WDR37: variants seen among roughly 807,000 people sequenced by gnomAD.
The protein encoded by WDR37 is WD repeat-containing protein 37.
WDR37 carries 19 observed loss-of-function variants against 62.9 expected under a neutral mutation model. That is an observed-to-expected ratio of 0.30 (90% CI 0.21 to 0.44). The LOEUF is 0.44. Ranked by LOEUF, WDR37 falls within the 20% of genes least tolerant of loss-of-function variation. The pLI, the probability that WDR37 is intolerant of heterozygous loss-of-function variation, is 1.00. For missense variants in WDR37, 474 were observed against 657.6 expected (o/e 0.72, Z 3.05); for synonymous variants, 250 against 260.9 (o/e 0.96, Z 0.40).
intron 11 of WDR37, among the ~76,000 whole-genome samples, chr10:1,112,004 C>T (rs1187840674): frequency 4.6e-5 from 7 of 151,924 alleles, no homozygotes; most frequent in South Asian, 4.2e-4. Flanking sequence ...TGGGTTCAAG[C>T]GATTCCCCTG....
Position 1,103,756 on chromosome 10 carries a change from A to G in WDR37, c.881A>G (p.Lys294Arg). Residue 294 changes from lysine (K) to arginine (R), a missense_variant, in exon 10 of 14, where the codon AAG becomes AGG. Transcript: ENST00000263150. The surrounding 1 kb of genome is among the most constrained non-coding windows in gnomAD (Gnocchi z 6.3). ...GCCTCCGACTGGCTGGTTGGGGGGA[A>G]GCAGGCTGTGACTGCCTCCTGGGAC... Reference protein sequence around the residue: ...VIASDWLVGGKQAVTASWDRT... With the variant: ...VIASDWLVGGRQAVTASWDRT... The G allele has an allele frequency of 6.2e-7, 1 of 1,614,248 alleles. No homozygotes were observed. The highest frequency in any genetic ancestry group is 8.5e-7 in the Non-Finnish European group (1 of 1,180,040).
Position 1,062,266 on chromosome 10 carries a change from C to T in WDR37, c.-41+5298C>T, listed in dbSNP as rs73578510. Among the ~76,000 whole-genome samples, 1,083 of 152,122 alleles carry T rather than the reference C, an allele frequency of 7.1e-3. 9 individuals are homozygous for T. The highest frequency in any genetic ancestry group is 0.024 in the African/African-American group (991 of 41,480). On this transcript the variant is annotated intron_variant, in intron 1 of 13. Coordinates refer to ENST00000263150, the MANE Select transcript of WDR37 (RefSeq NM_014023.4). ...CGGTATTGACTATTTTGTGAAGTGG[C>T]GAAGAAAGCAAGCTAAACCAAAGAG...
intron 2 of WDR37, among the ~76,000 whole-genome samples, chr10:1,074,047 G>T (rs1266126095): frequency 6.6e-6 from 1 of 152,222 alleles, no homozygotes; most frequent in Non-Finnish European, 1.5e-5. Context: ...CAGTCACGTG[G>T]CTGCTGAGCA....
intron 3 of WDR37, among the ~76,000 whole-genome samples, chr10:1,079,066 A>G (rs1328270927): frequency 6.7e-6 from 1 of 149,036 alleles, no homozygotes; most frequent in Non-Finnish European, 1.5e-5. Flanking sequence ...CAATTCATAG[A>G]GGGAAAAATC....
At chr10:1,122,534 C>T (rs1247940032) in intron 11 of WDR37, among the ~76,000 whole-genome samples, 1 of 152,218 alleles carries the variant, frequency 6.6e-6, no homozygotes, top group Non-Finnish European at 1.5e-5. Context: ...GGGACCCACC[C>T]CAGCCCTGAG....
chr10:1,080,513 G>A (rs1203630931), intron 5 of WDR37, 37 bp downstream of exon 5: 4 of 1,608,366 alleles, frequency 2.5e-6, no homozygotes, highest in Admixed American at 3.3e-5. Context: ...ATCATGTGGT[G>A]GTTAAGGTGT....
At chr10:1,129,024 CGGTGGTCCATGATCTGTGGTCCATGCTT>C (rs1835894743) in intron 13 of WDR37, among the ~76,000 whole-genome samples, 161 bp from the exon 14 acceptor site, 4 of 146,222 alleles carry the variant, frequency 2.7e-5, no homozygotes, top group African/African-American at 1.1e-4. Flanking sequence ...GGCCCATGCA[CGGTGGTCCATGATCTGTGGTCCATGCTT>C]GGTGGTCCGT....
chr10:1,125,958 C>T (rs565988721), intron 13 of WDR37, among the ~76,000 whole-genome samples: 3 of 152,350 alleles, frequency 2.0e-5, no homozygotes, highest in African/African-American at 7.2e-5. Flanking sequence ...GGCACCCGCA[C>T]AGATGCAGAG....
chr10:1,124,054 C>T, intron 11 of WDR37, 164 bp from the exon 12 acceptor site: 2 of 790,948 alleles, frequency 2.5e-6, no homozygotes, highest in South Asian at 1.8e-5. Flanking sequence ...TTTTCTTGCA[C>T]TGGTGGAGAG....
intron 13 of WDR37, among the ~76,000 whole-genome samples, chr10:1,128,485 A>ATTTT (rs1835868418): frequency 6.6e-6 from 1 of 152,260 alleles, no homozygotes; most frequent in Non-Finnish European, 1.5e-5. Context: ...TCTACCTAAA[A>ATTTT]GGCCATTTAT....
chr10:1,082,591 A>C (rs1170127243), intron 5 of WDR37, among the ~76,000 whole-genome samples: 1 of 152,190 alleles, frequency 6.6e-6, no homozygotes, highest in Non-Finnish European at 1.5e-5. Context: ...CTTTTCTGTT[A>C]TGAACGTTCC....
At position 1,130,850 on chromosome 10, in the gene WDR37, G is replaced by A. The variant is rs1785798706; in HGVS notation, c.*1506G>A. 6.6e-6 allele frequency: 1 copy of A among 150,516 alleles called. No homozygotes were observed. The highest frequency in any genetic ancestry group is 6.6e-5 in the Admixed American group (1 of 15,144). 9.3% of individuals were successfully genotyped at this position (150,516 alleles called of 1,614,324 possible). On this transcript the variant is annotated 3_prime_UTR_variant, in exon 14 of 14. Coordinates refer to ENST00000263150, the MANE Select transcript of WDR37 (RefSeq NM_014023.4). ...GGATGAGAGGCACCTCCCTACTTGG[G>A]TCTTCAGGAGCTGGTCCAAGGAGCT...
chr10:1,091,246 CATAAT>C (rs781281492), intron 7 of WDR37, among the ~76,000 whole-genome samples: 3 of 152,148 alleles, frequency 2.0e-5, no homozygotes, highest in Non-Finnish European at 2.9e-5. Context: ...TTGGGATAGA[CATAAT>C]AAAGTGAAAA....
intron 11 of WDR37, 180 bp from the exon 12 acceptor site, chr10:1,124,038 T>G (rs1206555233): frequency 5.9e-6 from 4 of 677,512 alleles, no homozygotes; most frequent in Non-Finnish European, 9.8e-6. Context: ...AAGAAATCAG[T>G]TGTCCTTTTC....
chr10:1,070,541 C>T (rs986500824), intron 1 of WDR37, among the ~76,000 whole-genome samples: 2 of 152,000 alleles, frequency 1.3e-5, no homozygotes, highest in East Asian at 1.9e-4. Flanking sequence ...ATGTTGATTT[C>T]TACTGTTTTA....
chr10:1,086,209 A>T, intron 6 of WDR37, 77 bp from the exon 7 acceptor site: 1 of 1,201,224 alleles, frequency 8.3e-7, no homozygotes, highest in Non-Finnish European at 1.2e-6. Flanking sequence ...TTTTTAGAGT[A>T]TTTGTCTTAT....
chr10:1,103,579 T>C lies in WDR37; in HGVS notation c.727-23T>C, dbSNP rs1291452040. The C allele has an allele frequency of 1.2e-6, 2 of 1,608,930 alleles. No homozygotes were observed. The highest frequency in any genetic ancestry group is 1.7e-5 in the Admixed American group (1 of 59,986). ...AGATTTCCAGGAAATGTCTTTCTTT[T>C]CTGGCCTTCCCTTTGGCAGCAGATA... is the stretch of plus-strand genomic sequence containing the variant. On this transcript the variant is annotated intron_variant, in intron 9 of 13. Transcript: ENST00000263150. The surrounding 1 kb of genome is among the most constrained non-coding windows in gnomAD (Gnocchi z 6.3).
chr10:1,074,812 A>G (rs1833821017), intron 2 of WDR37, among the ~76,000 whole-genome samples: 1 of 152,268 alleles, frequency 6.6e-6, no homozygotes, highest in Non-Finnish European at 1.5e-5. Flanking sequence ...AACTTTATAC[A>G]TCTCAGATTT....
intron 1 of WDR37, among the ~76,000 whole-genome samples, chr10:1,057,390 CG>C (rs1345895329): frequency 6.6e-6 from 1 of 151,826 alleles, no homozygotes; most frequent in Admixed American, 6.6e-5. Flanking sequence ...CTGGGCATCC[CG>C]GGGAAGTGCG....
Sources: allele counts gnomAD v4.1 joint callset (sites outside exome capture counted in the v4.1 genomes callset), GRCh38; gene constraint gnomAD v4.1.1; non-coding constraint Gnocchi (gnomAD v3.1); transcripts MANE v1.5; gene names NCBI Gene and HGNC (gene_info 2026-07-23, HGNC 2026-07-21).